Variants in LHFPL6 observed in about 807,000 individuals in gnomAD.
LHFPL6 encodes the protein LHFPL tetraspan subfamily member 6 protein.
Under a neutral mutation model 20.6 loss-of-function variants are expected in LHFPL6, and 9 were observed. That is an observed-to-expected ratio of 0.44 (90% CI 0.26 to 0.76). LHFPL6 has a LOEUF of 0.76. Among genes scored for constraint, LHFPL6 ranks in the 30% least tolerant of loss-of-function variants. The pLI is 0.20. For synonymous variants in LHFPL6, 105 were observed against 98.7 expected (o/e 1.06, Z -0.38); for missense variants, 218 against 253.5 (o/e 0.86, Z 0.95).
At chr13:39,398,928 A>G (rs191067754) in intron 2 of LHFPL6, among the ~76,000 whole-genome samples, 2 of 152,324 alleles carry the variant, frequency 1.3e-5, no homozygotes, top group East Asian at 1.9e-4. Context: ...CCTCCTGTCC[A>G]TGGAAAAATT....
intron 2 of LHFPL6, among the ~76,000 whole-genome samples, chr13:39,439,857 G>A (rs1593313600): frequency 6.6e-6 from 1 of 152,208 alleles, no homozygotes; most frequent in Non-Finnish European, 1.5e-5. Flanking sequence ...AGAAGCAGAA[G>A]CTGCTATGCT....
intron 2 of LHFPL6, among the ~76,000 whole-genome samples, chr13:39,387,546 A>C (rs1423171096): frequency 1.1e-4 from 2 of 18,544 alleles, no homozygotes; most frequent in Admixed American, 1.2e-3. Context: ...AGACTGTCTC[A>C]CAAAAAAAAA....
intron 2 of LHFPL6, among the ~76,000 whole-genome samples, chr13:39,562,023 A>G (rs947513021): frequency 6.6e-6 from 1 of 152,158 alleles, no homozygotes; most frequent in Admixed American, 6.5e-5. Flanking sequence ...TATTCTTTTC[A>G]TTTCTCTAAA....
At chr13:39,494,924 G>T (rs1404124671) in intron 2 of LHFPL6, among the ~76,000 whole-genome samples, 3 of 152,094 alleles carry the variant, frequency 2.0e-5, no homozygotes, top group Admixed American at 2.0e-4. Context: ...CCGATCACAT[G>T]AGCTGGCAGC....
intron 3 of LHFPL6, among the ~76,000 whole-genome samples, chr13:39,376,535 A>G (rs596469): frequency 0.99 from 150,649 of 152,300 alleles, 74,534 homozygotes; most frequent in Middle Eastern, 1. Flanking sequence ...ACGGAAGTAG[A>G]GTGGTTGTCA....
chr13:39,456,235 T>C (rs1253781908), intron 2 of LHFPL6, among the ~76,000 whole-genome samples: 2 of 152,216 alleles, frequency 1.3e-5, no homozygotes, highest in African/African-American at 2.4e-5. Flanking sequence ...TGGAGATAAA[T>C]GTATATGCTC....
chr13:39,433,967 G>T (rs148326688), intron 2 of LHFPL6, among the ~76,000 whole-genome samples: 1 of 152,156 alleles, frequency 6.6e-6, no homozygotes, highest in East Asian at 1.9e-4. Flanking sequence ...ATAGCAAAGA[G>T]CCTGCTATCT....
intron 2 of LHFPL6, among the ~76,000 whole-genome samples, chr13:39,485,961 C>T (rs914591089): frequency 1.3e-5 from 2 of 152,098 alleles, no homozygotes; most frequent in African/African-American, 4.8e-5. Context: ...CTTTCAGCAA[C>T]CTCCAAGATA....
chr13:39,568,312 T>G (rs1871794142), intron 2 of LHFPL6, among the ~76,000 whole-genome samples: 1 of 151,984 alleles, frequency 6.6e-6, no homozygotes, highest in African/African-American at 2.4e-5. Flanking sequence ...GAATATAAAC[T>G]TAAGCAGGAA....
At chr13:39,353,353 C>T (rs954876834) in intron 3 of LHFPL6, among the ~76,000 whole-genome samples, 3 of 152,154 alleles carry the variant, frequency 2.0e-5, no homozygotes, top group East Asian at 1.9e-4. Flanking sequence ...GAGAAGACCA[C>T]CCAAACTTGG....
At chr13:39,401,874 A>G (rs1286687567) in intron 2 of LHFPL6, among the ~76,000 whole-genome samples, 1 of 152,166 alleles carries the variant, frequency 6.6e-6, no homozygotes, top group East Asian at 1.9e-4. Context: ...CACGACAACC[A>G]CTAGGAAGAT....
At chr13:39,499,267 CCT>C (rs10543789) in intron 2 of LHFPL6, among the ~76,000 whole-genome samples, 75,722 of 151,808 alleles carry the variant, frequency 0.5, 19,545 homozygotes, top group Non-Finnish European at 0.55. Flanking sequence ...TTTTATTAAC[CCT>C]GTTAGAAGTC....
At chr13:39,401,016 A>G (rs1049066116) in intron 2 of LHFPL6, among the ~76,000 whole-genome samples, 1 of 152,168 alleles carries the variant, frequency 6.6e-6, no homozygotes, top group Non-Finnish European at 1.5e-5. Flanking sequence ...GCCATCCTAT[A>G]ATTAACATAT....
In LHFPL6 at chr13:39,540,504, C is replaced by T. The variant is rs75152655; in HGVS notation, c.385+60328G>A. On this transcript the variant is annotated intron_variant, in intron 2 of 3. Coordinates refer to ENST00000379589, the MANE Select transcript of LHFPL6 (RefSeq NM_005780.3). ...AGTAATTTGTGCCATGAAATGTATGCTAATTTGACAAGAGAAGGGGAAATT... is the reference window on the plus strand; with the variant it reads ...AGTAATTTGTGCCATGAAATGTATGTTAATTTGACAAGAGAAGGGGAAATT... 6.5e-3 allele frequency among the ~76,000 whole-genome samples: 981 copies of T among 152,068 alleles called. 3 individuals carry two copies. The highest frequency in any genetic ancestry group is 0.012 in the Non-Finnish European group (815 of 67,960).
chr13:39,529,365 T>A (rs1383494183), intron 2 of LHFPL6, among the ~76,000 whole-genome samples: 7 of 152,216 alleles, frequency 4.6e-5, no homozygotes, highest in African/African-American at 1.7e-4. Flanking sequence ...GTGCTGGGAT[T>A]ACAGGCATGA....
At chr13:39,438,041 T>C (rs994447105) in intron 2 of LHFPL6, among the ~76,000 whole-genome samples, 1 of 152,154 alleles carries the variant, frequency 6.6e-6, no homozygotes, top group African/African-American at 2.4e-5. Flanking sequence ...GACAGAAAGA[T>C]GCAACAAGGT....
chr13:39,514,632 A>G (rs1869840236), intron 2 of LHFPL6, among the ~76,000 whole-genome samples: 1 of 152,232 alleles, frequency 6.6e-6, no homozygotes, highest in South Asian at 2.1e-4. Flanking sequence ...ACCCAGCCAA[A>G]GTTAACTGAG....
chr13:39,474,959 C>T (rs1482603204), intron 2 of LHFPL6, among the ~76,000 whole-genome samples: 1 of 152,184 alleles, frequency 6.6e-6, no homozygotes, highest in Non-Finnish European at 1.5e-5. Flanking sequence ...GTGGTTTTCA[C>T]ATTTTAGATT....
intron 2 of LHFPL6, among the ~76,000 whole-genome samples, chr13:39,587,657 AG>A (rs1218409445): frequency 6.6e-6 from 1 of 152,122 alleles, no homozygotes; most frequent in Non-Finnish European, 1.5e-5. Flanking sequence ...TTTCAAACAC[AG>A]AGAATTTTGT....
Sources: gnomAD v4.1 joint callset for allele counts (sites outside exome capture counted in the v4.1 genomes callset) on GRCh38, gnomAD v4.1.1 for gene constraint, MANE v1.5 for transcripts, NCBI Gene and HGNC (gene_info 2026-07-23, HGNC 2026-07-21) for gene names.